SRFBP1: variants seen among roughly 807,000 people sequenced by gnomAD.
The protein encoded by SRFBP1 is serum response factor binding protein 1, also known as serum response factor-binding protein 1.
SRFBP1 carries 47 observed loss-of-function variants against 45.5 expected under a neutral mutation model. The ratio of observed to expected loss-of-function variants is 1.03; its 90% CI spans 0.82 to 1.32. The LOEUF (loss-of-function observed/expected upper bound fraction) is 1.32, where lower values mean the gene tolerates loss of function less well. Ranked by LOEUF, SRFBP1 falls within the 40% of genes most tolerant of loss-of-function variation. The probability of loss-of-function intolerance (pLI) is 0.00; values close to 1 mark genes in which losing one functional copy is unlikely to be tolerated. For missense variants in SRFBP1, 621 were observed against 484.6 expected, an observed-to-expected ratio of 1.28 and a Z score of -2.64; for synonymous variants, 203 against 166.3, an observed-to-expected ratio of 1.22 and a Z score of -1.70.
Position 121,994,621 on chromosome 5 carries a change from C to T in SRFBP1, c.221C>T (p.Thr74Ile). 1 of 1,596,170 alleles carries T rather than the reference C, an allele frequency of 6.3e-7. No homozygotes were observed. The highest frequency in any genetic ancestry group is 1.4e-5 in the African/African-American group (1 of 73,934). The change falls in exon 4 of 8, where the codon ACT (threonine) becomes ATT (isoleucine). Residue 74 changes from threonine to isoleucine, a missense_variant. Thr to Ile is a moderately conservative substitution (Grantham distance 89). Coordinates refer to ENST00000339397, the MANE Select transcript of SRFBP1 (RefSeq NM_152546.3). ...AMKELKPDIV[T>I]KSALGDDINF... is the part of the protein sequence containing the mutation. ...CAGGAATTGAAACCTGACATAGTAA[C>T]TAAATCTGCTCTTGGTGATGATATC...
intron 1 of SRFBP1, among the ~76,000 whole-genome samples, chr5:121,972,176 C>A (rs980038270): frequency 1.4e-4 from 21 of 151,792 alleles, no homozygotes; most frequent in African/African-American, 4.3e-4. Flanking sequence ...AGTAGAGGTT[C>A]TAGGAAGGCA....
intron 1 of SRFBP1, among the ~76,000 whole-genome samples, chr5:121,970,165 CAA>C (rs1200112566): frequency 6.6e-6 from 1 of 152,030 alleles, no homozygotes; most frequent in Non-Finnish European, 1.5e-5. Context: ...ATCAGTTTTG[CAA>C]AAATCTAAGT....
chr5:122,069,922 A>G, intron 2 of SRFBP1: 1 of 763,024 alleles, frequency 1.3e-6, no homozygotes, highest in Non-Finnish European at 2.4e-6. Context: ...ACTGCATACC[A>G]TTTTCTGCCT....
At chr5:122,070,873 T>G in intron 2 of SRFBP1, 3 of 215,186 alleles carry the variant, frequency 1.4e-5, no homozygotes, top group Non-Finnish European at 2.7e-5. Flanking sequence ...AATAGGCCTC[T>G]ACCAAAGTTC....
chr5:122,072,955 A>C (rs1201208539), intron 2 of SRFBP1, among the ~76,000 whole-genome samples: 2 of 152,228 alleles, frequency 1.3e-5, no homozygotes, highest in African/African-American at 4.8e-5. Context: ...GCACACATGA[A>C]TAATGTGTGG....
At chr5:121,993,965 T>C (rs1186938654) in intron 3 of SRFBP1, among the ~76,000 whole-genome samples, 1 of 152,072 alleles carries the variant, frequency 6.6e-6, no homozygotes, top group Non-Finnish European at 1.5e-5. Flanking sequence ...GAGCCTACTG[T>C]TACTGTACTT....
chr5:122,036,624 T>A (rs1419226444), intron 2 of SRFBP1, among the ~76,000 whole-genome samples: 3 of 152,190 alleles, frequency 2.0e-5, no homozygotes, highest in Non-Finnish European at 4.4e-5. Context: ...GATTTACGCC[T>A]ATGTGATTGA....
chr5:122,060,897 C>T (rs906459912), intron 2 of SRFBP1, among the ~76,000 whole-genome samples: 4 of 152,088 alleles, frequency 2.6e-5, no homozygotes, highest in South Asian at 2.1e-4. Flanking sequence ...ATATGCCTGT[C>T]GGCAGAAACC....
chr5:122,032,813 G>A (rs1265822441), downstream of SRFBP1, among the ~76,000 whole-genome samples: 1 of 152,232 alleles, frequency 6.6e-6, no homozygotes, highest in Non-Finnish European at 1.5e-5. Flanking sequence ...GGAATGTTGT[G>A]TCAGAATGTA....
chr5:122,070,792 TAAG>T (rs1175503897), intron 2 of SRFBP1: 5 of 420,054 alleles, frequency 1.2e-5, no homozygotes, highest in Non-Finnish European at 2.1e-5. Context: ...AGGACTAATA[TAAG>T]TAGTAGTACA....
chr5:121,968,924 CTA>C (rs113867801), intron 1 of SRFBP1, among the ~76,000 whole-genome samples: 1,871 of 152,264 alleles, frequency 0.012, 49 homozygotes, highest in African/African-American at 0.043. Context: ...CCTAGAATAA[CTA>C]TTTTCTAATA....
downstream of SRFBP1, among the ~76,000 whole-genome samples, chr5:122,030,510 G>A (rs1162467177): frequency 6.6e-6 from 1 of 151,964 alleles, no homozygotes; most frequent in Non-Finnish European, 1.5e-5. Context: ...GGCTTAACTT[G>A]CAATGCTATA....
At chr5:121,964,432 G>A (rs570663340) in intron 1 of SRFBP1, among the ~76,000 whole-genome samples, 18 of 152,244 alleles carry the variant, frequency 1.2e-4, no homozygotes, top group Non-Finnish European at 2.4e-4. Context: ...TTATGAGTGA[G>A]AACATGCAGT....
At chr5:122,054,816 C>G (rs1754051055) in intron 2 of SRFBP1, among the ~76,000 whole-genome samples, 1 of 151,654 alleles carries the variant, frequency 6.6e-6, no homozygotes, top group South Asian at 2.1e-4. Context: ...ATATTTTGAC[C>G]CCAGCTATAA....
At chr5:121,962,089 G>A (rs1347495063) in intron 1 of SRFBP1, 21 bp downstream of exon 1, 3 of 1,613,778 alleles carry the variant, frequency 1.9e-6, no homozygotes, top group Non-Finnish European at 2.5e-6. Context: ...AGGAACCTAT[G>A]GGGCTGACTT....
At chr5:122,026,538 T>A (rs1753483446) in intron 7 of SRFBP1, among the ~76,000 whole-genome samples, 1 of 152,186 alleles carries the variant, frequency 6.6e-6, no homozygotes, top group Non-Finnish European at 1.5e-5. Flanking sequence ...TTAGCTAAGA[T>A]GTGAATTTTC....
At position 122,070,187 on chromosome 5, in the gene SRFBP1, T is replaced by A. The variant is rs774984747; in HGVS notation, n.312-5128T>A. The A allele has an allele frequency of 5.2e-6, 7 of 1,334,064 alleles. No individual in the cohort carries two copies. The highest frequency in any genetic ancestry group is 3.6e-4 in the Middle Eastern group (2 of 5,500). 82.6% of individuals were successfully genotyped at this position (1,334,064 alleles called of 1,614,324 possible). A position where few individuals can be genotyped will look rare whatever the true frequency, so the allele number is the denominator to read the frequency against. The stretch of plus-strand genomic sequence containing the variant: ...CACTGACCTGGGCAACACAAAGAGT[T>A]CCTCAGTATTTCTTTTTCCATAGGG... On this transcript the variant is annotated intron_variant and non_coding_transcript_variant, in intron 2 of 2. Coordinates refer to the SRFBP1 transcript ENST00000504881.
At chr5:122,029,058 C>A (rs75108784), downstream of SRFBP1, among the ~76,000 whole-genome samples, 3 of 151,880 alleles carry the variant, frequency 2.0e-5, no homozygotes, top group African/African-American at 7.3e-5. Context: ...CATTGGTTCT[C>A]GACTTGGAGT....
intron 2 of SRFBP1, among the ~76,000 whole-genome samples, chr5:122,033,906 C>T (rs887698432): frequency 1.3e-5 from 2 of 150,496 alleles, no homozygotes; most frequent in African/African-American, 4.9e-5. Flanking sequence ...TCACTGCAGC[C>T]TCTGCCTCCT....
Sources: allele counts gnomAD v4.1 joint callset (sites outside exome capture counted in the v4.1 genomes callset), GRCh38; gene constraint gnomAD v4.1.1; transcripts MANE v1.5; gene names NCBI Gene and HGNC (gene_info 2026-07-23, HGNC 2026-07-21).